The following ARHGAP11A variants were observed in gnomAD, a reference collection of about 807,000 sequenced individuals.
The protein encoded by ARHGAP11A is rho GTPase-activating protein 11A.
ARHGAP11A carries 36 observed loss-of-function variants against 60.5 expected under a neutral mutation model. The ratio of observed to expected loss-of-function variants is 0.59; its 90% confidence interval spans 0.46 to 0.79. ARHGAP11A has a LOEUF of 0.79. Ranked by LOEUF, ARHGAP11A falls within the 30% of genes least tolerant of loss-of-function variation. ARHGAP11A has a pLI of 0.00. For missense variants in ARHGAP11A, 1,071 were observed against 1,199.2 expected, an observed-to-expected ratio of 0.89 and a Z score of 1.58; for synonymous variants, 362 against 415.5, an observed-to-expected ratio of 0.87 and a Z score of 1.57.
At position 32,625,275 on chromosome 15, in the gene ARHGAP11A, G is replaced by C. The variant is rs570866086; in HGVS notation, c.715+32G>C. The C allele has an allele frequency of 1.4e-4, 226 of 1,565,468 alleles. No homozygotes were observed. The Middle Eastern group carries it at 1.9e-3, about 13-fold the overall frequency. The stretch of plus-strand genomic sequence containing the variant: ...TGTAGTTGCATTATTAACAGAATTT[G>C]TTTAAATGAGGAAAATCTCTGTTTC... On this transcript the variant is annotated intron_variant, in intron 5 of 11. Coordinates refer to ENST00000361627, the MANE Select transcript of ARHGAP11A (RefSeq NM_014783.6).
rs2053801382 is a variant in ARHGAP11A, at chr15:32,639,567, A to G, written c.*1722A>G. The G allele has an allele frequency of 6.6e-6, 1 of 152,240 alleles. No homozygotes were observed. The highest frequency in any genetic ancestry group is 6.5e-5 in the Admixed American group (1 of 15,288). 9.4% of individuals were successfully genotyped at this position (152,240 alleles called of 1,614,324 possible). ...GGATGAAATGTTGAATTTGAAGACT[A>G]ATTCAGTAAGAAGTCCTAGGGGTTT... On this transcript the variant is annotated 3_prime_UTR_variant, in exon 12 of 12. Transcript: ENST00000361627.
chr15:32,627,134 A>G (rs2053476932), intron 6 of ARHGAP11A, among the ~76,000 whole-genome samples: 1 of 152,094 alleles, frequency 6.6e-6, no homozygotes, highest in South Asian at 2.1e-4. Flanking sequence ...CTAAATAGAT[A>G]ACCACCACAT....
chr15:32,623,104 TGTTA>T (rs1295009574), intron 2 of ARHGAP11A, among the ~76,000 whole-genome samples: 64 of 150,922 alleles, frequency 4.2e-4, no homozygotes, highest in African/African-American at 1.5e-3. Flanking sequence ...AGGCAGAGGC[TGTTA>T]GTGAGCTTGA....
intron 6 of ARHGAP11A, among the ~76,000 whole-genome samples, chr15:32,626,045 A>G (rs893490134): frequency 1.3e-5 from 2 of 152,120 alleles, no homozygotes. Context: ...GTGCAGTATG[A>G]CTTGAGTGAA....
Position 32,637,617 on chromosome 15 carries a change from T to A in ARHGAP11A, c.2844T>A (p.Tyr948Ter). The part of the protein sequence containing the change: ...VNASLRSTTV[Y>*]KQKILSDGQV... ...CTTCTCTTAGGTCTACTACAGTTTA[T>A]AAACAGAAGATCTTATCTGATGGCC... Residue 948 changes from tyrosine to a stop codon, truncating the protein, a stop_gained, in exon 12 of 12, where the codon TAT becomes TAA. Coordinates refer to ENST00000361627, the MANE Select transcript of ARHGAP11A (RefSeq NM_014783.6). LOFTEE classifies it high-confidence loss of function. 6.2e-7 allele frequency: 1 copy of A among 1,614,200 alleles called. No individual in the cohort carries two copies. Among genetic ancestry groups the A allele is most frequent in the Non-Finnish European group, 8.5e-7 (1 of 1,180,032 alleles).
chr15:32,617,475 T>TCC (rs1278420158), intron 1 of ARHGAP11A, among the ~76,000 whole-genome samples: 1 of 129,840 alleles, frequency 7.7e-6, no homozygotes, highest in Non-Finnish European at 1.7e-5. Context: ...CTTTTCCTTT[T>TCC]TTTTTTTTTT....
In ARHGAP11A at chr15:32,637,414, T is replaced by C; in HGVS notation, c.2641T>C (p.Ser881Pro). Residue 881 changes from serine to proline, a missense_variant, in exon 12 of 12, where the codon TCC becomes CCC. Ser to Pro is a moderately conservative substitution (Grantham distance 74, BLOSUM62 -1). Coordinates refer to ENST00000361627, the MANE Select transcript of ARHGAP11A (RefSeq NM_014783.6). ...VKSVSCDGAL[S>P]SCIESASKDS... is the part of the protein sequence containing the mutation. ...ATCAGTGAGCTGTGACGGTGCTCTT[T>C]CCTCTTGTATAGAAAGTGCATCAAA... 2 of 1,614,172 alleles carry C rather than the reference T, an allele frequency of 1.2e-6. No individual in the cohort carries two copies. The highest frequency in any genetic ancestry group is 1.7e-6 in the Non-Finnish European group (2 of 1,180,026).
chr15:32,636,894 G>A lies in ARHGAP11A; in HGVS notation c.2121G>A (p.Met707Ile). ...MEHEKDIHSN[M>I]PKDYLSKQEF... Reference sequence around the variant, plus strand: ...ATGAAAAAGACATTCATTCAAATATGCCAAAAGATTATTTAAGCAAGCAAG... The same window carrying A: ...ATGAAAAAGACATTCATTCAAATATACCAAAAGATTATTTAAGCAAGCAAG... The change falls in exon 12 of 12, where the codon ATG becomes ATA. Residue 707 changes from methionine (M) to isoleucine (I), a missense_variant. Coordinates refer to ENST00000361627, the MANE Select transcript of ARHGAP11A (RefSeq NM_014783.6). 6.2e-7 allele frequency: 1 copy of A among 1,613,240 alleles called. No homozygotes were observed. The highest frequency in any genetic ancestry group is 8.5e-7 in the Non-Finnish European group (1 of 1,179,804).
intron 2 of ARHGAP11A, 109 bp from the exon 3 acceptor site, chr15:32,623,383 G>A: frequency 1.1e-6 from 1 of 924,340 alleles, no homozygotes. Flanking sequence ...AGAGATTTGT[G>A]GCTTTAGAGC....
chr15:32,623,704 T>C, intron 3 of ARHGAP11A, 116 bp downstream of exon 3: 1 of 977,368 alleles, frequency 1.0e-6, no homozygotes, highest in East Asian at 2.9e-5. Context: ...GAATTTGCAT[T>C]TTTTTCATGG....
intron 6 of ARHGAP11A, among the ~76,000 whole-genome samples, chr15:32,627,776 C>T (rs867314863): frequency 1.3e-5 from 2 of 150,316 alleles, no homozygotes; most frequent in Non-Finnish European, 3.0e-5. Flanking sequence ...ATGCCTCCTC[C>T]TTGAATCTAC....
chr15:32,621,997 C>G (rs2053335364), intron 2 of ARHGAP11A, among the ~76,000 whole-genome samples: 1 of 152,312 alleles, frequency 6.6e-6, no homozygotes, highest in Non-Finnish European at 1.5e-5. Flanking sequence ...CACCTGGTTG[C>G]CTTAGGACAG....
chr15:32,627,941 C>G (rs1287174419), intron 6 of ARHGAP11A, among the ~76,000 whole-genome samples: 1 of 151,540 alleles, frequency 6.6e-6, no homozygotes, highest in Non-Finnish European at 1.5e-5. Context: ...TCCCAAGTAG[C>G]TGGGATTACA....
intron 6 of ARHGAP11A, among the ~76,000 whole-genome samples, chr15:32,627,635 A>G (rs1004791989): frequency 1.3e-5 from 2 of 152,038 alleles, no homozygotes; most frequent in African/African-American, 4.8e-5. Context: ...AGGCTGAGGC[A>G]GGAGAATGGT....
At chr15:32,624,484 A>G (rs2053412457) in intron 4 of ARHGAP11A, 58 bp downstream of exon 4, 1 of 1,535,184 alleles carries the variant, frequency 6.5e-7, no homozygotes, top group East Asian at 2.3e-5. Context: ...CTAACGTTTT[A>G]TGCTTGTAGA....
chr15:32,629,738 A>C lies in ARHGAP11A; in HGVS notation c.1081A>C (p.Asn361His). 1 of 1,611,754 alleles carries C rather than the reference A, an allele frequency of 6.2e-7. No homozygotes were observed. Among genetic ancestry groups the C allele is most frequent in the South Asian group, 1.1e-5 (1 of 90,574 alleles). The change falls in exon 8 of 12, where the codon AAT becomes CAT. Residue 361 changes from asparagine (N) to histidine (H), a missense_variant. Around this residue, in one of 4 missense-constraint regions of ARHGAP11A, gnomAD observed 196 missense variants for 272.1 expected, o/e 0.72. Transcript: ENST00000361627. The part of the protein sequence containing the change: ...NFELLPSNLF[N>H]SSSTPVSVHI... ...TGAGCTGTTGCCAAGTAATCTCTTC[A>C]ATAGCAGTTCTACACCGGTATCAGG...
At chr15:32,626,365 A>G (rs1362600140) in intron 6 of ARHGAP11A, among the ~76,000 whole-genome samples, 1 of 152,168 alleles carries the variant, frequency 6.6e-6, no homozygotes, top group Non-Finnish European at 1.5e-5. Flanking sequence ...AGACCAAAAG[A>G]CCATCATAAG....
At chr15:32,633,231 C>A in intron 9 of ARHGAP11A, 123 bp downstream of exon 9, 1 of 1,080,956 alleles carries the variant, frequency 9.3e-7, no homozygotes, top group Non-Finnish European at 1.3e-6. Context: ...ATCCCTTCTG[C>A]CTTTATAGTC....
chr15:32,633,136 A>G (rs778177184), intron 9 of ARHGAP11A, 28 bp downstream of exon 9: 12 of 1,612,146 alleles, frequency 7.4e-6, no homozygotes, highest in Non-Finnish European at 9.3e-6. Context: ...TTTTGTTTTC[A>G]TCGGATAAAT....
Sources: allele counts gnomAD v4.1 joint callset (sites outside exome capture counted in the v4.1 genomes callset), GRCh38; gene constraint gnomAD v4.1.1; regional missense constraint gnomAD v4.1.1; transcripts MANE v1.5; gene names NCBI Gene and HGNC (gene_info 2026-07-23, HGNC 2026-07-21).